LRRC8B: variants seen among roughly 807,000 people sequenced by gnomAD.
The protein encoded by LRRC8B is leucine rich repeat containing 8 VRAC subunit B.
LRRC8B carries 23 observed loss-of-function variants against 58.8 expected under a neutral mutation model. The observed-to-expected ratio is 0.39, with a 90% CI of 0.28 to 0.55. The LOEUF is 0.55. LRRC8B is among the 20% of genes least tolerant of loss of function. The pLI is 0.62. For missense variants in LRRC8B, 694 were observed against 936.0 expected (o/e 0.74, Z 3.37); for synonymous variants, 359 against 374.1 (o/e 0.96, Z 0.47).
At chr1:89,585,144 A>AT in intron 5 of LRRC8B, among the ~76,000 whole-genome samples, 1 of 152,332 alleles carries the variant, frequency 6.6e-6, no homozygotes, top group Non-Finnish European at 1.5e-5. Context: ...GGTTTTAGGT[A>AT]TTTAGGGAGT....
chr1:89,527,597 C>T (rs1649800400), intron 1 of LRRC8B, among the ~76,000 whole-genome samples: 1 of 152,208 alleles, frequency 6.6e-6, no homozygotes, highest in South Asian at 2.1e-4. Context: ...TGTGTCATAT[C>T]TGTTTTCATA....
At chr1:89,528,425 T>G (rs1045081208) in intron 1 of LRRC8B, among the ~76,000 whole-genome samples, 4 of 152,242 alleles carry the variant, frequency 2.6e-5, no homozygotes, top group Non-Finnish European at 5.9e-5. Context: ...TTTCAGCATT[T>G]TGAAACTTTT....
At position 89,582,754 on chromosome 1, in the gene LRRC8B, T is replaced by C. The variant is rs755106272; in HGVS notation, c.104T>C (p.Met35Thr). 6.8e-6 allele frequency: 11 copies of C among 1,614,224 alleles called. No homozygotes were observed. Among genetic ancestry groups the C allele is most frequent in the African/African-American group, 5.3e-5 (4 of 75,052 alleles). The change falls in exon 5 of 6, where the codon ATG becomes ACG. Residue 35 changes from methionine to threonine, a missense_variant. By Grantham distance (81) the Met-to-Thr change is moderately conservative. Coordinates refer to ENST00000330947, the MANE Select transcript of LRRC8B (RefSeq NM_001369817.2). ...DVFWYYITLI[M>T]LLVAVLAGAL... ...TTCTGGTATTACATCACACTGATCA[T>C]GCTGCTGGTGGCCGTGCTGGCCGGA...
chr1:89,524,930 G>A lies in LRRC8B; in HGVS notation c.-333G>A, dbSNP rs1446032056. On this transcript the variant is annotated 5_prime_UTR_variant, in exon 1 of 6. Coordinates refer to ENST00000330947, the MANE Select transcript of LRRC8B (RefSeq NM_001369817.2). ...TGAGCCCGCAGCCTCCGGCAGCCGG[G>A]AAAGTGCGGGCGCGGGGCCGCAGCC... The A allele has an allele frequency of 2.0e-5, 3 of 152,230 alleles. No homozygotes were observed. The highest frequency in any genetic ancestry group is 7.2e-5 in the African/African-American group (3 of 41,442). 9.4% of individuals were successfully genotyped at this position (152,230 alleles called of 1,614,324 possible). A position where few individuals can be genotyped will look rare whatever the true frequency, so the allele number is the denominator to read the frequency against.
At chr1:89,526,553 T>A (rs1649713564) in intron 1 of LRRC8B, among the ~76,000 whole-genome samples, 1 of 152,202 alleles carries the variant, frequency 6.6e-6, no homozygotes, top group Non-Finnish European at 1.5e-5. Context: ...TTCTCCTGGC[T>A]TTCCTTGTCA....
At chr1:89,538,547 A>G (rs1226131725) in intron 1 of LRRC8B, among the ~76,000 whole-genome samples, 1 of 152,218 alleles carries the variant, frequency 6.6e-6, no homozygotes, top group South Asian at 2.1e-4. Context: ...GGAAATACTC[A>G]TTGTAGTAAG....
intron 3 of LRRC8B, chr1:89,572,457 C>A (rs1318903783): frequency 6.6e-6 from 1 of 152,208 alleles, no homozygotes; most frequent in Non-Finnish European, 1.5e-5. Context: ...TGGTTCCATT[C>A]TCCCCATCTC....
At chr1:89,567,789 TAAAA>T (rs1325104168) in intron 1 of LRRC8B, among the ~76,000 whole-genome samples, 3 of 151,852 alleles carry the variant, frequency 2.0e-5, no homozygotes, top group Non-Finnish European at 4.4e-5. Flanking sequence ...TTATTAGTAA[TAAAA>T]AAAGGAAAAT....
intron 1 of LRRC8B, among the ~76,000 whole-genome samples, chr1:89,545,272 A>T (rs538649625): frequency 2.6e-5 from 4 of 152,242 alleles, no homozygotes; most frequent in Admixed American, 2.6e-4. Flanking sequence ...CTGCATTTAC[A>T]GGTAAAGATG....
At chr1:89,562,060 G>A (rs1652700374) in intron 1 of LRRC8B, among the ~76,000 whole-genome samples, 1 of 151,738 alleles carries the variant, frequency 6.6e-6, no homozygotes, top group Non-Finnish European at 1.5e-5. Context: ...TGGATGGATT[G>A]ATCTATTTAT....
chr1:89,548,317 T>C (rs986233529), intron 1 of LRRC8B, among the ~76,000 whole-genome samples: 3 of 152,214 alleles, frequency 2.0e-5, no homozygotes, highest in African/African-American at 7.2e-5. Context: ...CTCCTTGGAT[T>C]TGATTATGCA....
At chr1:89,529,968 G>T (rs767541188) in intron 1 of LRRC8B, among the ~76,000 whole-genome samples, 1 of 151,792 alleles carries the variant, frequency 6.6e-6, no homozygotes, top group Non-Finnish European at 1.5e-5. Context: ...CCCCACCCTC[G>T]TGGAGATCTG....
At chr1:89,559,840 G>T (rs1376773194) in intron 1 of LRRC8B, among the ~76,000 whole-genome samples, 1 of 152,014 alleles carries the variant, frequency 6.6e-6, no homozygotes, top group Non-Finnish European at 1.5e-5. Flanking sequence ...ATTTTTAGTC[G>T]CTTTTTCAAA....
chr1:89,575,712 T>C (rs565171696), intron 3 of LRRC8B, among the ~76,000 whole-genome samples: 18 of 152,186 alleles, frequency 1.2e-4, no homozygotes, highest in Non-Finnish European at 1.5e-4. Context: ...CATTTAATTA[T>C]TACATAAATA....
intron 1 of LRRC8B, among the ~76,000 whole-genome samples, chr1:89,547,211 A>G (rs1651472063): frequency 7.3e-6 from 1 of 136,498 alleles, no homozygotes; most frequent in African/African-American, 2.8e-5. Context: ...GGAATCATGG[A>G]AAATGGCAAA....
intron 1 of LRRC8B, among the ~76,000 whole-genome samples, chr1:89,536,053 G>A (rs1297015337): frequency 6.6e-6 from 1 of 152,126 alleles, no homozygotes; most frequent in Non-Finnish European, 1.5e-5. Context: ...GCTGTCCGCT[G>A]CTCTCTTGCC....
chr1:89,548,858 C>T (rs1320174770), intron 1 of LRRC8B, among the ~76,000 whole-genome samples: 1 of 152,158 alleles, frequency 6.6e-6, no homozygotes, highest in Non-Finnish European at 1.5e-5. Flanking sequence ...CTTCAGGGCT[C>T]TGCAGGGTCC....
chr1:89,584,256 G>T lies in LRRC8B; in HGVS notation c.1606G>T (p.Asp536Tyr), dbSNP rs1654465996. The T allele has an allele frequency of 1.2e-6, 2 of 1,613,048 alleles. No homozygotes were observed. Among genetic ancestry groups the T allele is most frequent in the Admixed American group, 1.7e-5 (1 of 59,994 alleles). Reference protein sequence around the residue: ...LSTMQLEGFQDLKNLRTLYLK... With the variant: ...LSTMQLEGFQYLKNLRTLYLK... Reference sequence around the variant, plus strand: ...TACTATGCAGTTGGAGGGCTTTCAGGACTTAAAAAATCTAAGGACCCTGTA... The same window carrying T: ...TACTATGCAGTTGGAGGGCTTTCAGTACTTAAAAAATCTAAGGACCCTGTA... The change falls in exon 5 of 6, where the codon GAC (aspartate) becomes TAC (tyrosine). Residue 536 changes from aspartate (D) to tyrosine (Y), a missense_variant. Asp to Tyr is a radical substitution (Grantham distance 160). Around this residue, in one of 5 missense-constraint regions of LRRC8B, gnomAD observed 162 missense variants for 198.5 expected, o/e 0.82. Transcript: ENST00000330947.
intron 4 of LRRC8B, among the ~76,000 whole-genome samples, chr1:89,582,375 C>T (rs550491040): frequency 3.9e-5 from 6 of 152,262 alleles, no homozygotes; most frequent in Non-Finnish European, 8.8e-5. Flanking sequence ...TCAAGGGCTA[C>T]CCCTAAATTT....
Sources: gnomAD v4.1 joint callset for allele counts (sites outside exome capture counted in the v4.1 genomes callset) on GRCh38, gnomAD v4.1.1 for gene constraint, gnomAD v4.1.1 regional missense constraint, MANE v1.5 for transcripts, NCBI Gene and HGNC (gene_info 2026-07-23, HGNC 2026-07-21) for gene names.